Variants in FLNA observed in about 807,000 individuals in gnomAD.
FLNA encodes filamin-A.
In FLNA, 7 loss-of-function variants were observed where a neutral mutation model predicts 157.6. The observed-to-expected ratio is 0.04, with a 90% confidence interval of 0.03 to 0.08. The LOEUF is 0.08. Ranked by LOEUF, FLNA falls within the 10% of genes least tolerant of loss-of-function variation. The probability of loss-of-function intolerance (pLI) is 1.00; values close to 1 mark genes in which losing one functional copy is unlikely to be tolerated. For missense variants in FLNA, 1,750 were observed against 2,398.4 expected, an observed-to-expected ratio of 0.73 and a Z score of 5.65; for synonymous variants, 1,103 against 1,060.8, an observed-to-expected ratio of 1.04 and a Z score of -0.77.
chrX:154,366,882 A>G, intron 5 of FLNA, 32 bp from the exon 6 acceptor site: 1 of 1,102,904 alleles, frequency 9.1e-7, no homozygotes, highest in Non-Finnish European at 1.3e-6. Context: ...ACCACGGGCC[A>G]GCTGTTAAGG....
At chrX:154,355,448 C>T (rs1440079033) in intron 30 of FLNA, among the ~76,000 whole-genome samples, 3 of 114,003 alleles carry the variant, frequency 2.6e-5, no homozygotes, top group Admixed American at 1.8e-4. Flanking sequence ...CGGCTGCCTG[C>T]GCCCTTCTGG....
rs368561845 is a variant in FLNA, at chrX:154,366,720, A to G, written c.987+12T>C. Reference sequence around the variant, plus strand: ...GCGCTGCGGGGCCTCTGCTGCCAGCAGCTGGCCCTACCTCCTCCTGGTGTC... The same window carrying G: ...GCGCTGCGGGGCCTCTGCTGCCAGCGGCTGGCCCTACCTCCTCCTGGTGTC... On this transcript the variant is annotated intron_variant, in intron 6 of 47. Coordinates refer to ENST00000369850, the MANE Select transcript of FLNA (RefSeq NM_001110556.2). The G allele has an allele frequency of 4.2e-6, 5 of 1,199,701 alleles. No individual in the cohort carries two copies. The highest frequency in any genetic ancestry group is 4.5e-6 in the Non-Finnish European group (4 of 885,086).
intron 31 of FLNA, 26 bp downstream of exon 31, chrX:154,354,799 C>T (rs1391522487): frequency 8.3e-7 from 1 of 1,211,506 alleles, no homozygotes; most frequent in Non-Finnish European, 1.1e-6. Context: ...GACACCCCTG[C>T]TGACCTACCC....
In FLNA at chrX:154,354,498, C is replaced by A; in HGVS notation, c.5314-15G>T. 1 of 1,202,149 alleles carries A rather than the reference C, an allele frequency of 8.3e-7. No homozygotes were observed. The highest frequency in any genetic ancestry group is 1.1e-6 in the Non-Finnish European group (1 of 887,300). ...CTCTCCGGGGCCTGCAGTGGAGACA[C>A]AGGGCATGGGTGAGGGACAGTGGGA... On this transcript the variant is annotated splice_polypyrimidine_tract_variant and intron_variant, in intron 32 of 47. Coordinates refer to ENST00000369850, the MANE Select transcript of FLNA (RefSeq NM_001110556.2).
At chrX:154,360,766 G>A (rs2067700198) in intron 21 of FLNA, among the ~76,000 whole-genome samples, 179 bp from the exon 22 acceptor site, 1 of 111,855 alleles carries the variant, frequency 8.9e-6, no homozygotes, top group Non-Finnish European at 1.9e-5. Flanking sequence ...AAAAAGGAGG[G>A]CAGGGCGCGG....
chrX:154,352,359 G>A lies in FLNA; in HGVS notation c.6591C>T (p.Thr2197=), dbSNP rs782393623. The A allele has an allele frequency of 8.3e-7, 1 of 1,212,065 alleles. No individual in the cohort carries two copies. Among genetic ancestry groups the A allele is most frequent in the Non-Finnish European group, 1.1e-6 (1 of 895,566 alleles). Residue 2197 remains threonine (T), a synonymous_variant, in exon 41 of 48, where the codon ACC becomes ACT. Transcript: ENST00000369850. The part of the protein sequence containing the change: ...EAEIVEGENH[T]YCIRFVPAEM... ...CAGCGGGAACAAAGCGGATGCAGTA[G>A]GTGTGGTTCTCCCCTTCCACGATCT...
intron 44 of FLNA, chrX:154,350,671 A>G: frequency 2.4e-6 from 1 of 413,448 alleles, no homozygotes; most frequent in Non-Finnish European, 4.3e-6. Context: ...CTGGACTTTG[A>G]GTCTTTCCCT....
In FLNA at chrX:154,361,361, C is replaced by T. The variant is rs782333540; in HGVS notation, c.3154G>A (p.Val1052Met). The T allele has an allele frequency of 1.2e-5, 15 of 1,208,119 alleles. No individual in the cohort carries two copies. Among genetic ancestry groups the T allele is most frequent in the Non-Finnish European group, 1.3e-5 (12 of 894,801 alleles). Residue 1052 changes from valine to methionine, a missense_variant, in exon 21 of 48, where the codon GTG becomes ATG. Coordinates refer to ENST00000369850, the MANE Select transcript of FLNA (RefSeq NM_001110556.2). ...EVEVTYDGVP[V>M]PGSPFPLEAV... Reference sequence around the variant, plus strand: ...TCCAGAGGAAAGGGGCTGCCAGGCACGGGCACGCCGTCATAGGTCACCTCC... The same window carrying T: ...TCCAGAGGAAAGGGGCTGCCAGGCATGGGCACGCCGTCATAGGTCACCTCC...
rs782263210 is a variant in FLNA, at chrX:154,349,504, C to T, written c.7614G>A (p.Leu2538=). ...HETSSVFVDS[L]TKATCAPQHG... ...GCTGGGGGGCACAGGTGGCCTTGGT[C>T]AGAGAGTCTACAAACACTGATGATG... The change falls in exon 47 of 48, where the codon CTG becomes CTA. Residue 2538 remains leucine (L), a synonymous_variant. Transcript: ENST00000369850. 2 of 1,211,477 alleles carry T rather than the reference C, an allele frequency of 1.7e-6. No individual in the cohort carries two copies. The highest frequency in any genetic ancestry group is 3.5e-5 in the African/African-American group (2 of 57,767).
Position 154,360,498 on chromosome X carries a change from G to A in FLNA, c.3297C>T (p.Gly1099=). ...TIDTKGAGTG[G]LGLTVEGPCE... ...AGGGGCCCTCCACCGTCAGGCCCAG[G>A]CCACCTGTGCCGGCGCCCTTGGTGT... The change falls in exon 22 of 48, where the codon GGC becomes GGT. Residue 1099 remains glycine, a synonymous_variant. Coordinates refer to ENST00000369850, the MANE Select transcript of FLNA (RefSeq NM_001110556.2). The A allele has an allele frequency of 8.3e-7, 1 of 1,211,203 alleles. No individual in the cohort carries two copies. The highest frequency in any genetic ancestry group is 2.3e-4 in the Middle Eastern group (1 of 4,355).
intron 36 of FLNA, 48 bp downstream of exon 36, chrX:154,353,506 A>G (rs1340551752): frequency 1.7e-6 from 2 of 1,209,447 alleles, no homozygotes; most frequent in Non-Finnish European, 2.2e-6. Context: ...ATGGGAGACC[A>G]TGCCCACCCT....
rs2148103163 is a variant in FLNA at position 154,351,671 on chromosome X, G to T, written c.6933C>A (p.Phe2311Leu). ...EPGDYEVSVK[F>L]NEEHIPDSPF... The stretch of plus-strand genomic sequence containing the variant: ...GGCTGTCGGGAATGTGTTCCTCGTT[G>T]AACTTGACTGAGACTTCGTAGTCAC... Residue 2311 changes from phenylalanine to leucine, a missense_variant, in exon 43 of 48, where the codon TTC becomes TTA. Physicochemically the swap from Phe to Leu is conservative, Grantham distance 22 (BLOSUM62 0). Coordinates refer to ENST00000369850, the MANE Select transcript of FLNA (RefSeq NM_001110556.2). The T allele has an allele frequency of 8.3e-7, 1 of 1,205,058 alleles. No individual in the cohort carries two copies. The highest frequency in any genetic ancestry group is 1.1e-6 in the Non-Finnish European group (1 of 889,253).
chrX:154,357,822 A>G (rs2067674735), intron 28 of FLNA, among the ~76,000 whole-genome samples, 199 bp from the exon 29 acceptor site: 1 of 112,615 alleles, frequency 8.9e-6, no homozygotes, highest in South Asian at 3.6e-4. Flanking sequence ...CACTTCCCAC[A>G]TGACAACAGG....
chrX:154,371,332 C>T lies in FLNA; in HGVS notation c.-87G>A. On this transcript the variant is annotated 5_prime_UTR_variant, in exon 2 of 48. Coordinates refer to ENST00000369850, the MANE Select transcript of FLNA (RefSeq NM_001110556.2). ...TTAAAGTCGCAGGCACCTAGGCGCG[C>T]GGGAGGCGAGGCAGGGAGCAGAGGT... The T allele has an allele frequency of 9.3e-7, 1 of 1,073,960 alleles. No individual in the cohort carries two copies. Among genetic ancestry groups the T allele is most frequent in the Non-Finnish European group, 1.2e-6 (1 of 807,248 alleles). The allele number at this position is 1,073,960 out of a possible 1,213,427, so 88.5% of individuals were successfully genotyped here.
Position 154,362,653 on chromosome X carries a change from G to A in FLNA, c.2404+8C>T, listed in dbSNP as rs2067722017. 3 of 1,211,188 alleles carry A rather than the reference G, an allele frequency of 2.5e-6. No individual in the cohort carries two copies. The highest frequency in any genetic ancestry group is 5.9e-5 in the East Asian group (2 of 33,852). On this transcript the variant is annotated splice_region_variant and intron_variant, in intron 16 of 47. Coordinates refer to ENST00000369850, the MANE Select transcript of FLNA (RefSeq NM_001110556.2). ...CCACCTGCCCTCCCACCCACAGCCA[G>A]GCCTTACCCTGGCCAGCCTCGGCGC...
Position 154,360,146 on chromosome X carries a change from G to A in FLNA, c.3649C>T (p.His1217Tyr), listed in dbSNP as rs2067693893. 8.3e-7 allele frequency: 1 copy of A among 1,208,767 alleles called. No individual in the cohort carries two copies. Among genetic ancestry groups the A allele is most frequent in the South Asian group, 1.8e-5 (1 of 56,905 alleles). ...CAGAGGGGAATGTAGGTAATGGTGT[G>A]CGTGCCATCACCGTGGTCCTGGATG... ...VYIQDHGDGT[H>Y]TITYIPLCPG... Residue 1217 changes from histidine (H) to tyrosine (Y), a missense_variant, in exon 22 of 48, where the codon CAC becomes TAC. Around this residue, in one of 5 missense-constraint regions of FLNA, gnomAD observed 970 missense variants for 1,302.6 expected, o/e 0.74. Coordinates refer to ENST00000369850, the MANE Select transcript of FLNA (RefSeq NM_001110556.2).
intron 28 of FLNA, 75 bp from the exon 29 acceptor site, chrX:154,357,698 T>C: frequency 1.1e-6 from 1 of 916,765 alleles, no homozygotes; most frequent in Non-Finnish European, 1.6e-6. Context: ...GCTCCCAGAG[T>C]GCCCAGCGCT....
At chrX:154,359,446 G>A in intron 24 of FLNA, 38 bp downstream of exon 24, 1 of 1,211,756 alleles carries the variant, frequency 8.3e-7, no homozygotes, top group Non-Finnish European at 1.1e-6. Flanking sequence ...GGGGTTCCCA[G>A]GCCCACCAGC....
In FLNA at chrX:154,367,555, C is replaced by T. The variant is rs374491811; in HGVS notation, c.721-11G>A. On this transcript the variant is annotated splice_polypyrimidine_tract_variant and intron_variant, in intron 4 of 47. Coordinates refer to ENST00000369850, the MANE Select transcript of FLNA (RefSeq NM_001110556.2). ...CTCGGGGGTGATCACCTGTCACAGG[C>T]AGAAAACAGGAGCCATCGGGCCTCC... 2.5e-6 allele frequency: 3 copies of T among 1,210,136 alleles called. No individual in the cohort carries two copies. Among genetic ancestry groups the T allele is most frequent in the Non-Finnish European group, 3.4e-6 (3 of 895,205 alleles).
Sources: gnomAD v4.1 joint callset for allele counts (sites outside exome capture counted in the v4.1 genomes callset) on GRCh38, gnomAD v4.1.1 for gene constraint, gnomAD v4.1.1 regional missense constraint, MANE v1.5 for transcripts, NCBI Gene and HGNC (gene_info 2026-07-23, HGNC 2026-07-21) for gene names.